PLPPR1: variants seen among roughly 807,000 people sequenced by gnomAD.
The protein encoded by PLPPR1 is phospholipid phosphatase related 1, also known as phospholipid phosphatase-related protein type 1.
In PLPPR1, 10 loss-of-function variants were observed where a neutral mutation model predicts 33.1. The observed-to-expected ratio is 0.30, with a 90% CI of 0.19 to 0.51. The LOEUF (loss-of-function observed/expected upper bound fraction) is 0.51. Ranked by LOEUF, PLPPR1 falls within the 20% of genes least tolerant of loss-of-function variation. The pLI, the probability that PLPPR1 is intolerant of heterozygous loss-of-function variation, is 0.97. For missense variants in PLPPR1, 304 were observed against 408.1 expected (o/e 0.74, Z 2.20); for synonymous variants, 151 against 151.0 (o/e 1.00, Z 0.00).
intron 1 of PLPPR1, among the ~76,000 whole-genome samples, chr9:101,065,220 C>T (rs1159606804): frequency 6.6e-6 from 1 of 152,090 alleles, no homozygotes; most frequent in Non-Finnish European, 1.5e-5. Context: ...TTCCATAGCA[C>T]TTAACCTCCT....
intron 2 of PLPPR1, among the ~76,000 whole-genome samples, chr9:101,246,761 G>A (rs1403349069): frequency 2.0e-5 from 3 of 152,040 alleles, no homozygotes; most frequent in Non-Finnish European, 4.4e-5. Context: ...TATGTTGGTT[G>A]TCTAGACCAT....
intron 4 of PLPPR1, among the ~76,000 whole-genome samples, chr9:101,288,432 C>T (rs1003598245): frequency 9.9e-5 from 15 of 152,154 alleles, no homozygotes; most frequent in African/African-American, 3.4e-4. Flanking sequence ...AGTTAGAGTT[C>T]AGCATCATGA....
intron 1 of PLPPR1, among the ~76,000 whole-genome samples, chr9:101,089,995 C>T (rs1830723371): frequency 6.6e-6 from 1 of 152,124 alleles, no homozygotes; most frequent in Admixed American, 6.5e-5. Flanking sequence ...GTTGGCTGGT[C>T]TGTGCTCCCT....
chr9:101,317,544 T>G, intron 7 of PLPPR1, 48 bp downstream of exon 7: 9 of 1,578,630 alleles, frequency 5.7e-6, no homozygotes, highest in Non-Finnish European at 7.8e-6. Flanking sequence ...CTGAACACTT[T>G]GGGAGGTCAG....
Position 101,286,227 on chromosome 9 carries a change from A to C in PLPPR1, c.376A>C (p.Arg126=). The part of the protein sequence containing the change: ...YLNPLLRRII[R]FTGVFAFGLF... Reference sequence around the variant, plus strand: ...GAACCCCTTACTTCGAAGGATCATAAGATTCACAGGTGAGTACAAGATGGT... The same window carrying C: ...GAACCCCTTACTTCGAAGGATCATACGATTCACAGGTGAGTACAAGATGGT... The change falls in exon 4 of 8, where the codon AGA becomes CGA. Residue 126 remains arginine (R), a synonymous_variant. Transcript: ENST00000374874. 1 of 1,613,848 alleles carries C rather than the reference A, an allele frequency of 6.2e-7. No individual in the cohort carries two copies. The highest frequency in any genetic ancestry group is 8.5e-7 in the Non-Finnish European group (1 of 1,179,816).
At chr9:101,124,766 G>C (rs1332195664) in intron 1 of PLPPR1, among the ~76,000 whole-genome samples, 1 of 152,132 alleles carries the variant, frequency 6.6e-6, no homozygotes, top group Non-Finnish European at 1.5e-5. Flanking sequence ...ATCACCTGAA[G>C]AGACTCAAGT....
chr9:101,032,975 GA>G (rs1246857238), intron 1 of PLPPR1, among the ~76,000 whole-genome samples: 1 of 152,040 alleles, frequency 6.6e-6, no homozygotes, highest in Non-Finnish European at 1.5e-5. Flanking sequence ...TTTCTTGTCA[GA>G]ATTTCCGGAT....
chr9:101,157,774 G>T (rs528966061), intron 1 of PLPPR1, among the ~76,000 whole-genome samples: 2 of 152,170 alleles, frequency 1.3e-5, no homozygotes, highest in East Asian at 3.9e-4. Context: ...GGCTAAGGTG[G>T]GTGGATCACT....
At chr9:101,237,455 C>CGTGTGTGTGT (rs57041590) in intron 2 of PLPPR1, among the ~76,000 whole-genome samples, 7 of 148,510 alleles carry the variant, frequency 4.7e-5, no homozygotes, top group African/African-American at 1.7e-4. Context: ...AAAGAAAGGT[C>CGTGTGTGTGT]GTGTGTGTGT....
At chr9:101,183,649 G>A (rs1188116627) in intron 1 of PLPPR1, among the ~76,000 whole-genome samples, 2 of 151,116 alleles carry the variant, frequency 1.3e-5, no homozygotes, top group African/African-American at 4.9e-5. Context: ...TGAGTGAATT[G>A]GTATATATAA....
chr9:101,320,774 T>G (rs1242368411), intron 7 of PLPPR1, among the ~76,000 whole-genome samples: 1 of 152,210 alleles, frequency 6.6e-6, no homozygotes, highest in African/African-American at 2.4e-5. Flanking sequence ...ATATTCATGA[T>G]ACTGTATTGG....
intron 1 of PLPPR1, among the ~76,000 whole-genome samples, chr9:101,119,492 A>G (rs1248368642): frequency 1.3e-5 from 2 of 152,236 alleles, no homozygotes; most frequent in Non-Finnish European, 2.9e-5. Flanking sequence ...TCTGCATGTG[A>G]GAGTGCAGGA....
chr9:101,286,971 C>T (rs1159565756), intron 4 of PLPPR1, among the ~76,000 whole-genome samples: 1 of 152,168 alleles, frequency 6.6e-6, no homozygotes, highest in Non-Finnish European at 1.5e-5. Context: ...CCATTTAAAA[C>T]AAGAGAACTG....
At chr9:101,229,222 A>T (rs1179634510) in intron 2 of PLPPR1, among the ~76,000 whole-genome samples, 1 of 152,166 alleles carries the variant, frequency 6.6e-6, no homozygotes, top group East Asian at 1.9e-4. Flanking sequence ...TTCAGTAAAA[A>T]GAAAAACAGT....
At chr9:101,070,520 G>C (rs1226552880) in intron 1 of PLPPR1, among the ~76,000 whole-genome samples, 1 of 152,088 alleles carries the variant, frequency 6.6e-6, no homozygotes, top group Non-Finnish European at 1.5e-5. Context: ...CAGATTATTA[G>C]ATCAACCTTT....
intron 4 of PLPPR1, among the ~76,000 whole-genome samples, chr9:101,306,657 A>G (rs1266237534): frequency 1.3e-5 from 2 of 152,232 alleles, no homozygotes; most frequent in Non-Finnish European, 2.9e-5. Context: ...AACAACACAG[A>G]TGGAGCAGAG....
At chr9:101,118,993 C>T (rs534733601) in intron 1 of PLPPR1, among the ~76,000 whole-genome samples, 1 of 151,926 alleles carries the variant, frequency 6.6e-6, no homozygotes, top group Non-Finnish European at 1.5e-5. Context: ...TCTAGAAGCT[C>T]CTGAAGGACT....
chr9:101,139,456 A>G (rs1281759045), intron 1 of PLPPR1, among the ~76,000 whole-genome samples: 3 of 152,148 alleles, frequency 2.0e-5, no homozygotes, highest in Admixed American at 6.6e-5. Flanking sequence ...AGCTTTTCAT[A>G]TTTGTTTACT....
At chr9:101,093,265 A>G (rs1830771531) in intron 1 of PLPPR1, among the ~76,000 whole-genome samples, 1 of 152,228 alleles carries the variant, frequency 6.6e-6, no homozygotes, top group South Asian at 2.1e-4. Flanking sequence ...CTTCCCTCCA[A>G]GTTAATACTA....
Sources: allele counts gnomAD v4.1 joint callset (sites outside exome capture counted in the v4.1 genomes callset), GRCh38; gene constraint gnomAD v4.1.1; transcripts MANE v1.5; gene names NCBI Gene and HGNC (gene_info 2026-07-23, HGNC 2026-07-21).